NELL2: variants seen among roughly 807,000 people sequenced by gnomAD.
NELL2 encodes the protein neural EGFL like 2.
A neutral mutation model predicts 109.6 loss-of-function variants in NELL2; 41 were observed. That is an observed-to-expected ratio of 0.37 (90% confidence interval 0.29 to 0.49). NELL2 has a LOEUF of 0.49. NELL2 is among the 20% of genes least tolerant of loss of function. The pLI, the probability that NELL2 is intolerant of heterozygous loss-of-function variation, is 0.98. For synonymous variants in NELL2, 355 were observed against 344.7 expected (o/e 1.03, Z -0.33); for missense variants, 900 against 1,008.3 (o/e 0.89, Z 1.45).
intron 15 of NELL2, among the ~76,000 whole-genome samples, chr12:44,559,609 A>G (rs1322780384): frequency 6.6e-6 from 1 of 152,230 alleles, no homozygotes; most frequent in African/African-American, 2.4e-5. Flanking sequence ...TAAAGGGATG[A>G]ATGCAACAAG....
chr12:44,745,288 A>AT (rs1209873797), intron 9 of NELL2, among the ~76,000 whole-genome samples: 2 of 152,192 alleles, frequency 1.3e-5, no homozygotes, highest in African/African-American at 4.8e-5. Context: ...TTAGATATTG[A>AT]TGGGACGTAT....
rs1237174710 is a variant in NELL2 at position 44,665,752 on chromosome 12, G to C, written c.1319-143C>G. On this transcript the variant is annotated intron_variant, in intron 12 of 19. Transcript: ENST00000429094. ...ATTCATGATATCTCCTTTGCTAGGA[G>C]TGTTTAATGTTCAAATGACAAAAAT... 3 of 938,502 alleles carry C rather than the reference G, an allele frequency of 3.2e-6. No individual in the cohort carries two copies. The African/African-American group carries it at 5.0e-5, about 16-fold the overall frequency. The allele number at this position is 938,502 out of a possible 1,614,324, so 58.1% of individuals were successfully genotyped here. A position where few individuals can be genotyped will look rare whatever the true frequency, so the allele number is the denominator to read the frequency against.
At chr12:44,603,827 G>T (rs1160779945) in intron 15 of NELL2, among the ~76,000 whole-genome samples, 2 of 152,116 alleles carry the variant, frequency 1.3e-5, no homozygotes, top group East Asian at 1.9e-4. Flanking sequence ...AAAGGAACAA[G>T]GGGTGGTAAG....
intron 17 of NELL2, among the ~76,000 whole-genome samples, chr12:44,522,615 T>G (rs2138986356): frequency 6.6e-6 from 1 of 152,318 alleles, no homozygotes; most frequent in African/African-American, 2.4e-5. Context: ...AACCTATGTT[T>G]TTGTATAAAC....
chr12:44,899,929 A>G (rs527519734), intron 1 of NELL2, among the ~76,000 whole-genome samples: 2 of 152,326 alleles, frequency 1.3e-5, no homozygotes, highest in African/African-American at 4.8e-5. Context: ...TTACCAAGCA[A>G]GTGGAAAGCA....
intron 3 of NELL2, among the ~76,000 whole-genome samples, chr12:44,812,774 G>A (rs1201231059): frequency 1.3e-5 from 2 of 152,088 alleles, no homozygotes; most frequent in East Asian, 3.9e-4. Flanking sequence ...TAAAAAGTGG[G>A]TTTGGGTTCT....
intron 19 of NELL2, among the ~76,000 whole-genome samples, chr12:44,512,247 T>G (rs1050706195): frequency 3.3e-5 from 5 of 152,114 alleles, no homozygotes; most frequent in African/African-American, 1.2e-4. Flanking sequence ...TCACTAATCA[T>G]CAGGGAAACG....
At chr12:44,808,791 T>C (rs1943083532) in intron 3 of NELL2, among the ~76,000 whole-genome samples, 2 of 152,016 alleles carry the variant, frequency 1.3e-5, no homozygotes, top group South Asian at 2.1e-4. Context: ...CTCACAAACA[T>C]GAAGACACAT....
At chr12:44,889,709 CA>C (rs1355994683) in intron 1 of NELL2, among the ~76,000 whole-genome samples, 1 of 150,660 alleles carries the variant, frequency 6.6e-6, no homozygotes, top group Non-Finnish European at 1.5e-5. Context: ...AATCCATAAA[CA>C]ATAAATATAG....
chr12:44,784,984 C>T (rs1000719465), intron 3 of NELL2, among the ~76,000 whole-genome samples: 42 of 152,184 alleles, frequency 2.8e-4, no homozygotes, highest in Admixed American at 2.7e-3. Flanking sequence ...GACAAGGATG[C>T]CCTCTCTCAC....
At chr12:44,908,219 C>A (rs996380425) in intron 1 of NELL2, among the ~76,000 whole-genome samples, 1 of 151,752 alleles carries the variant, frequency 6.6e-6, no homozygotes, top group South Asian at 2.1e-4. Context: ...GCCTAGGAAG[C>A]TATGTGGTAT....
At chr12:44,913,834 C>A in exon 1 of NELL2, 1 of 792,046 alleles carries the variant, frequency 1.3e-6, no homozygotes, top group Non-Finnish European at 1.9e-6. Context: ...TTCTTATAGA[C>A]ATTTTATAAT....
chr12:44,822,497 CA>C (rs1172471772), intron 2 of NELL2, among the ~76,000 whole-genome samples: 2 of 152,076 alleles, frequency 1.3e-5, no homozygotes, highest in African/African-American at 2.4e-5. Flanking sequence ...CTTTTATGGA[CA>C]AAAATCAATG....
chr12:44,680,173 C>T (rs569620666), intron 12 of NELL2, among the ~76,000 whole-genome samples: 2 of 152,050 alleles, frequency 1.3e-5, no homozygotes, highest in Non-Finnish European at 2.9e-5. Context: ...CAGAGTTGCT[C>T]GATTAACCTG....
chr12:44,760,057 G>A (rs1019438240), intron 9 of NELL2, among the ~76,000 whole-genome samples: 8 of 152,098 alleles, frequency 5.3e-5, no homozygotes, highest in Admixed American at 6.6e-5. Context: ...ATGGCCTTTG[G>A]AAAATTTGTT....
At chr12:44,894,572 C>A (rs754614558) in intron 1 of NELL2, among the ~76,000 whole-genome samples, 1 of 152,184 alleles carries the variant, frequency 6.6e-6, no homozygotes, top group Non-Finnish European at 1.5e-5. Flanking sequence ...CCACTATTCT[C>A]ATGCATGCAT....
At chr12:44,672,470 T>C (rs1340495038) in intron 12 of NELL2, among the ~76,000 whole-genome samples, 1 of 152,118 alleles carries the variant, frequency 6.6e-6, no homozygotes, top group Non-Finnish European at 1.5e-5. Context: ...TCACCCCTGG[T>C]TCCGTGGAAA....
At chr12:44,530,689 C>T (rs894494719) in intron 16 of NELL2, among the ~76,000 whole-genome samples, 6 of 152,178 alleles carry the variant, frequency 3.9e-5, no homozygotes, top group South Asian at 2.1e-4. Flanking sequence ...CAAGCTCCCA[C>T]GCCTTGAGGA....
intron 3 of NELL2, among the ~76,000 whole-genome samples, chr12:44,807,933 A>G (rs188798213): frequency 1.6e-4 from 24 of 152,184 alleles, no homozygotes; most frequent in African/African-American, 5.5e-4. Flanking sequence ...GAGCGAAGAG[A>G]GTAGATGTGA....
Sources: gnomAD v4.1 joint callset for allele counts (sites outside exome capture counted in the v4.1 genomes callset) on GRCh38, gnomAD v4.1.1 for gene constraint, MANE v1.5 for transcripts, NCBI Gene and HGNC (gene_info 2026-07-23, HGNC 2026-07-21) for gene names.